Variants in NKAIN2 observed in about 807,000 individuals in gnomAD.
NKAIN2 encodes sodium/potassium-transporting ATPase subunit beta-1-interacting protein 2.
NKAIN2 carries 14 observed loss-of-function variants against 32.6 expected under a neutral mutation model. That is an observed-to-expected ratio of 0.43 (90% CI 0.28 to 0.67). NKAIN2 has a LOEUF of 0.67. NKAIN2 is among the 30% of genes least tolerant of loss of function. The pLI is 0.17. For missense variants in NKAIN2, 198 were observed against 258.3 expected (o/e 0.77, Z 1.60); for synonymous variants, 80 against 87.2 (o/e 0.92, Z 0.46).
chr6:124,202,393 A>C (rs1397185601), intron 1 of NKAIN2, among the ~76,000 whole-genome samples: 1 of 151,914 alleles, frequency 6.6e-6, no homozygotes, highest in Non-Finnish European at 1.5e-5. Flanking sequence ...TATGTTTTTT[A>C]TGCACTGGAG....
rs530252169 is a variant in NKAIN2 at position 124,754,547 on chromosome 6, A to C, written c.475-36792A>C. On this transcript the variant is annotated intron_variant, in intron 4 of 6. Transcript: ENST00000368417. ...TTATGTGGAAAACAAGTTCAACATC[A>C]CTTATCATTAGAGGAATGCAAATCA... Among the ~76,000 whole-genome samples the C allele has an allele frequency of 2.0e-5, 3 of 152,204 alleles. No individual in the cohort carries two copies. The East Asian group carries it at 5.8e-4, about 30-fold the overall frequency.
At chr6:123,911,816 C>T (rs62435579) in intron 1 of NKAIN2, among the ~76,000 whole-genome samples, 24,780 of 74,216 alleles carry the variant, frequency 0.33, 5,206 homozygotes, top group East Asian at 0.57. Flanking sequence ...TATATATACA[C>T]ACACACACAC....
At chr6:124,437,676 T>C (rs975315737) in intron 3 of NKAIN2, among the ~76,000 whole-genome samples, 1 of 152,084 alleles carries the variant, frequency 6.6e-6, no homozygotes, top group Non-Finnish European at 1.5e-5. Flanking sequence ...TCCTAGAAAC[T>C]TAGAATAGAA....
intron 1 of NKAIN2, among the ~76,000 whole-genome samples, chr6:124,059,841 C>G (rs757628672): frequency 7.9e-5 from 12 of 152,048 alleles, no homozygotes; most frequent in Non-Finnish European, 1.5e-4. Context: ...ACATTTTGCT[C>G]CTATTATCTT....
chr6:124,569,512 G>A (rs192753103), intron 3 of NKAIN2, among the ~76,000 whole-genome samples: 10 of 152,214 alleles, frequency 6.6e-5, no homozygotes, highest in East Asian at 1.9e-4. Flanking sequence ...GGGACCCAGC[G>A]GGAGGTAATT....
At chr6:124,789,801 A>G (rs1249511131) in intron 4 of NKAIN2, among the ~76,000 whole-genome samples, 1 of 152,154 alleles carries the variant, frequency 6.6e-6, no homozygotes, top group Non-Finnish European at 1.5e-5. Flanking sequence ...CAATAGTTAC[A>G]TATAATTCAG....
At chr6:123,983,695 A>T (rs1276930627) in intron 1 of NKAIN2, among the ~76,000 whole-genome samples, 1 of 152,016 alleles carries the variant, frequency 6.6e-6, no homozygotes, top group Non-Finnish European at 1.5e-5. Context: ...CTGCAACTTA[A>T]ATATTATTTG....
chr6:124,412,607 G>T (rs1052851423), intron 3 of NKAIN2, among the ~76,000 whole-genome samples: 2 of 152,168 alleles, frequency 1.3e-5, no homozygotes, highest in Non-Finnish European at 2.9e-5. Flanking sequence ...TCCCAGTTAG[G>T]CTACTCAGGG....
At chr6:124,332,329 C>T (rs757086028) in intron 2 of NKAIN2, among the ~76,000 whole-genome samples, 73 of 151,854 alleles carry the variant, frequency 4.8e-4, no homozygotes, top group Non-Finnish European at 9.4e-4. Flanking sequence ...ATTGTTGGTG[C>T]TTGCAGAGCA....
At chr6:123,818,194 T>C (rs942866826) in intron 1 of NKAIN2, among the ~76,000 whole-genome samples, 4 of 152,226 alleles carry the variant, frequency 2.6e-5, no homozygotes, top group Non-Finnish European at 5.9e-5. Context: ...ATAATTATTG[T>C]TGACATGCAG....
At chr6:124,794,264 C>T (rs1427375835) in intron 5 of NKAIN2, among the ~76,000 whole-genome samples, 2 of 152,048 alleles carry the variant, frequency 1.3e-5, no homozygotes, top group African/African-American at 2.4e-5. Flanking sequence ...TCCTGTTTTC[C>T]ATCAACCCCT....
At chr6:124,210,143 A>G (rs1279839190) in intron 1 of NKAIN2, among the ~76,000 whole-genome samples, 2 of 151,624 alleles carry the variant, frequency 1.3e-5, no homozygotes, top group African/African-American at 4.8e-5. Context: ...GGAGATAGAG[A>G]TCTAGTTTCA....
At chr6:124,805,307 G>T (rs9385348) in intron 5 of NKAIN2, among the ~76,000 whole-genome samples, 1 of 151,988 alleles carries the variant, frequency 6.6e-6, no homozygotes, top group Non-Finnish European at 1.5e-5. Context: ...CCAGAGGAAC[G>T]ATCAGACAGC....
chr6:124,145,894 G>C (rs1262504600), intron 1 of NKAIN2, among the ~76,000 whole-genome samples: 1 of 152,146 alleles, frequency 6.6e-6, no homozygotes. Flanking sequence ...ATATGGTTAT[G>C]AAAGGAAACA....
At chr6:124,228,797 G>C (rs182712220) in intron 1 of NKAIN2, among the ~76,000 whole-genome samples, 65 of 152,214 alleles carry the variant, frequency 4.3e-4, no homozygotes, top group African/African-American at 1.4e-3. Flanking sequence ...AAATGAAATA[G>C]TTTTAACGTT....
chr6:124,234,563 C>G (rs1582896453), intron 1 of NKAIN2, among the ~76,000 whole-genome samples: 1 of 152,212 alleles, frequency 6.6e-6, no homozygotes, highest in Middle Eastern at 3.4e-3. Flanking sequence ...CCATCATGGT[C>G]CTAGGATTAC....
At chr6:124,517,398 TC>T (rs1778954863) in intron 3 of NKAIN2, among the ~76,000 whole-genome samples, 1 of 152,150 alleles carries the variant, frequency 6.6e-6, no homozygotes, top group Non-Finnish European at 1.5e-5. Context: ...AAAAATCTGA[TC>T]TTTTTTCCCT....
chr6:123,896,750 TCTC>T (rs1774298551), intron 1 of NKAIN2, among the ~76,000 whole-genome samples: 1 of 152,188 alleles, frequency 6.6e-6, no homozygotes, highest in Non-Finnish European at 1.5e-5. Flanking sequence ...CTCATTTTCT[TCTC>T]CTTCAGTTTC....
intron 4 of NKAIN2, among the ~76,000 whole-genome samples, chr6:124,685,184 A>G (rs1773807267): frequency 6.6e-6 from 1 of 152,188 alleles, no homozygotes; most frequent in Non-Finnish European, 1.5e-5. Flanking sequence ...TATTTCTCAT[A>G]TGATACACAA....
Sources: gnomAD v4.1 joint callset for allele counts (sites outside exome capture counted in the v4.1 genomes callset) on GRCh38, gnomAD v4.1.1 for gene constraint, MANE v1.5 for transcripts, NCBI Gene and HGNC (gene_info 2026-07-23, HGNC 2026-07-21) for gene names.